SGCZ: variants seen among roughly 807,000 people sequenced by gnomAD.
The protein encoded by SGCZ is zeta-sarcoglycan.
Under a neutral mutation model 41.3 loss-of-function variants are expected in SGCZ, and 40 were observed. That is an observed-to-expected ratio of 0.97 (90% CI 0.75 to 1.26). The LOEUF (loss-of-function observed/expected upper bound fraction) is 1.26, where lower values mean the gene tolerates loss of function less well. Ranked by LOEUF, SGCZ falls within the 50% of genes most tolerant of loss-of-function variation. The pLI is 0.00. For synonymous variants in SGCZ, 206 were observed against 137.5 expected, an observed-to-expected ratio of 1.50 and a Z score of -3.49; for missense variants, 552 against 369.8, an observed-to-expected ratio of 1.49 and a Z score of -4.04.
At chr8:14,451,035 G>C (rs1800578092) in intron 2 of SGCZ, among the ~76,000 whole-genome samples, 1 of 152,190 alleles carries the variant, frequency 6.6e-6, no homozygotes, top group Non-Finnish European at 1.5e-5. Context: ...CAGGAGAGCA[G>C]AGGGTACTTG....
chr8:14,747,050 T>C (rs80248594), intron 1 of SGCZ, among the ~76,000 whole-genome samples: 2,494 of 152,316 alleles, frequency 0.016, 64 homozygotes, highest in African/African-American at 0.057. Context: ...TCATTTTCAC[T>C]TTTGATGTGT....
At chr8:14,843,855 G>T (rs895866612) in intron 1 of SGCZ, among the ~76,000 whole-genome samples, 1 of 151,800 alleles carries the variant, frequency 6.6e-6, no homozygotes, top group African/African-American at 2.4e-5. Context: ...TGGGTTCCCA[G>T]TCTAGTCTTA....
At chr8:14,399,245 T>C (rs939509391) in intron 2 of SGCZ, among the ~76,000 whole-genome samples, 14 of 152,150 alleles carry the variant, frequency 9.2e-5, no homozygotes, top group African/African-American at 2.9e-4. Context: ...GATTTTTGTA[T>C]AATACTTATT....
chr8:14,947,442 C>A (rs773853774), intron 1 of SGCZ, among the ~76,000 whole-genome samples: 2 of 152,122 alleles, frequency 1.3e-5, no homozygotes, highest in African/African-American at 4.8e-5. Flanking sequence ...TGTGGACAAC[C>A]TCTACAAGAC....
chr8:14,259,166 G>A (rs1438273209), intron 3 of SGCZ, among the ~76,000 whole-genome samples: 1 of 152,096 alleles, frequency 6.6e-6, no homozygotes, highest in Non-Finnish European at 1.5e-5. Context: ...AATTTGTTAT[G>A]AAGTTTTCCA....
At chr8:15,140,954 T>C (rs1484511339) in intron 1 of SGCZ, among the ~76,000 whole-genome samples, 1 of 152,214 alleles carries the variant, frequency 6.6e-6, no homozygotes, top group East Asian at 1.9e-4. Context: ...TGAGGAACTA[T>C]TATATGTCAA....
intron 3 of SGCZ, among the ~76,000 whole-genome samples, chr8:14,281,148 A>G (rs1369508667): frequency 6.6e-6 from 1 of 151,974 alleles, no homozygotes; most frequent in Non-Finnish European, 1.5e-5. Flanking sequence ...ATTTTAAAAA[A>G]ATGAATGAAT....
At chr8:15,168,884 G>A (rs1371766419) in intron 1 of SGCZ, among the ~76,000 whole-genome samples, 1 of 152,186 alleles carries the variant, frequency 6.6e-6, no homozygotes, top group Non-Finnish European at 1.5e-5. Context: ...CTTGGGGGAA[G>A]GGAACCCAGA....
chr8:14,999,281 T>C (rs1802325428), intron 1 of SGCZ, among the ~76,000 whole-genome samples: 1 of 152,206 alleles, frequency 6.6e-6, no homozygotes, highest in African/African-American at 2.4e-5. Context: ...CTAAATAAGC[T>C]AGCAGTTTTA....
chr8:14,569,643 TG>T (rs1563121890), intron 1 of SGCZ, among the ~76,000 whole-genome samples: 1 of 152,078 alleles, frequency 6.6e-6, no homozygotes, highest in African/African-American at 2.4e-5. Context: ...ATGTAACATA[TG>T]GTAAGTGAGA....
chr8:14,705,851 T>C (rs1409315001), intron 1 of SGCZ, among the ~76,000 whole-genome samples: 2 of 152,082 alleles, frequency 1.3e-5, no homozygotes, highest in Non-Finnish European at 1.5e-5. Context: ...TTGTAATCCA[T>C]TGTAACTTTC....
intron 1 of SGCZ, among the ~76,000 whole-genome samples, chr8:15,128,873 T>C (rs1016065875): frequency 1.6e-4 from 25 of 152,290 alleles, no homozygotes; most frequent in African/African-American, 6.0e-4. Flanking sequence ...CTCTGGAGAA[T>C]AAGCTGATTT....
intron 1 of SGCZ, among the ~76,000 whole-genome samples, chr8:14,903,171 G>A (rs1428597031): frequency 6.6e-6 from 1 of 152,060 alleles, no homozygotes; most frequent in East Asian, 1.9e-4. Context: ...TGACTATAAT[G>A]AGTGGTCAGA....
chr8:14,160,163 A>G (rs2116974025), intron 5 of SGCZ, among the ~76,000 whole-genome samples: 1 of 152,324 alleles, frequency 6.6e-6, no homozygotes, highest in Non-Finnish European at 1.5e-5. Flanking sequence ...GTCCTCTTTT[A>G]CATCATAGAA....
intron 1 of SGCZ, among the ~76,000 whole-genome samples, chr8:14,559,965 A>G (rs949638435): frequency 2.0e-5 from 3 of 152,268 alleles, no homozygotes; most frequent in Non-Finnish European, 2.9e-5. Flanking sequence ...GTTATAACAG[A>G]TGATAAGTTG....
At chr8:14,397,782 G>A (rs1216800443) in intron 2 of SGCZ, among the ~76,000 whole-genome samples, 2 of 152,096 alleles carry the variant, frequency 1.3e-5, no homozygotes, top group African/African-American at 4.8e-5. Context: ...TCTGTCACCA[G>A]CATCTTCATC....
intron 1 of SGCZ, among the ~76,000 whole-genome samples, chr8:14,823,858 T>G (rs909414960): frequency 6.6e-6 from 1 of 152,050 alleles, no homozygotes; most frequent in African/African-American, 2.4e-5. Flanking sequence ...TGGGTAAAGA[T>G]TATATGGAAT....
chr8:14,556,204 A>G (rs924959068), intron 1 of SGCZ, among the ~76,000 whole-genome samples: 1 of 151,856 alleles, frequency 6.6e-6, no homozygotes, highest in African/African-American at 2.4e-5. Context: ...TTTTTATAAA[A>G]TATAATTTTC....
intron 3 of SGCZ, among the ~76,000 whole-genome samples, chr8:14,249,334 C>G (rs181011497): frequency 6.6e-6 from 1 of 152,128 alleles, no homozygotes; most frequent in African/African-American, 2.4e-5. Context: ...ATATCACAGG[C>G]TTTCCTGGGT....
Sources: gnomAD v4.1 joint callset for allele counts (sites outside exome capture counted in the v4.1 genomes callset) on GRCh38, gnomAD v4.1.1 for gene constraint, MANE v1.5 for transcripts, NCBI Gene and HGNC (gene_info 2026-07-23, HGNC 2026-07-21) for gene names.